SCML4: variants seen among roughly 807,000 people sequenced by gnomAD.
SCML4 encodes sex comb on midleg-like protein 4.
A neutral mutation model predicts 41.1 loss-of-function variants in SCML4; 34 were observed. The ratio of observed to expected loss-of-function variants is 0.83; its 90% confidence interval spans 0.63 to 1.10. The LOEUF (loss-of-function observed/expected upper bound fraction) is 1.10, where lower values mean the gene tolerates loss of function less well. Ranked by LOEUF, SCML4 falls within the 50% of genes least tolerant of loss-of-function variation. The probability of loss-of-function intolerance (pLI) is 0.00; values close to 1 mark genes in which losing one functional copy is unlikely to be tolerated. For synonymous variants in SCML4, 214 were observed against 220.9 expected (o/e 0.97, Z 0.28); for missense variants, 522 against 534.1 (o/e 0.98, Z 0.22).
chr6:107,778,790 T>C (rs1453011793), intron 1 of SCML4, among the ~76,000 whole-genome samples: 1 of 152,206 alleles, frequency 6.6e-6, no homozygotes, highest in Non-Finnish European at 1.5e-5. Context: ...TATTCATGTA[T>C]TTACTCATTC....
upstream of SCML4, among the ~76,000 whole-genome samples, chr6:107,826,429 C>T (rs1330267720): frequency 6.6e-6 from 1 of 152,148 alleles, no homozygotes; most frequent in Non-Finnish European, 1.5e-5. Flanking sequence ...CCACACTACA[C>T]TGAGCTTAAA....
At position 107,779,920 on chromosome 6, in the gene SCML4, T is replaced by G. The variant is rs111633903; in HGVS notation, c.-59-7534A>C. On this transcript the variant is annotated intron_variant, in intron 1 of 7. Coordinates refer to ENST00000369020, the MANE Select transcript of SCML4 (RefSeq NM_198081.5). Reference sequence around the variant, plus strand: ...TCCTTTACCACCCATTGTGTGCACTTCCAGTTTCATCAAGCACTGATTACA... The same window carrying G: ...TCCTTTACCACCCATTGTGTGCACTGCCAGTTTCATCAAGCACTGATTACA... Among the ~76,000 whole-genome samples, 417 of 152,320 alleles carry G rather than the reference T, an allele frequency of 2.7e-3. 1 individual carries two copies. The highest frequency in any genetic ancestry group is 9.5e-3 in the African/African-American group (395 of 41,576).
intron 1 of SCML4, among the ~76,000 whole-genome samples, chr6:107,787,145 AC>A (rs1315289928): frequency 6.6e-6 from 1 of 152,224 alleles, no homozygotes; most frequent in African/African-American, 2.4e-5. Context: ...CCTTCAGGCC[AC>A]ATCTCCATGT....
chr6:107,835,191 T>A, the SCML4 span, among the ~76,000 whole-genome samples: 2 of 151,806 alleles, frequency 1.3e-5, no homozygotes, highest in African/African-American at 4.8e-5. Flanking sequence ...TGAAACCCTG[T>A]CTCTACTAAA....
At chr6:107,770,509 T>G (rs748992874) in intron 2 of SCML4, among the ~76,000 whole-genome samples, 4 of 152,200 alleles carry the variant, frequency 2.6e-5, no homozygotes, top group Non-Finnish European at 4.4e-5. Context: ...TTCCTAAATA[T>G]ATGGGAAGTA....
At chr6:107,750,696 C>A (rs1038302169) in intron 2 of SCML4, among the ~76,000 whole-genome samples, 2 of 152,162 alleles carry the variant, frequency 1.3e-5, no homozygotes, top group Non-Finnish European at 2.9e-5. Flanking sequence ...AGGCTGGGGA[C>A]CCTTGCCCAA....
chr6:107,773,880 A>G (rs1336873691), intron 1 of SCML4, among the ~76,000 whole-genome samples: 1 of 152,226 alleles, frequency 6.6e-6, no homozygotes, highest in East Asian at 1.9e-4. Flanking sequence ...CACAGTCCCT[A>G]CACCCTGGCC....
intron 2 of SCML4, among the ~76,000 whole-genome samples, chr6:107,763,738 T>TC (rs1779809356): frequency 6.6e-6 from 1 of 152,146 alleles, no homozygotes; most frequent in African/African-American, 2.4e-5. Flanking sequence ...TTGCTCGCTG[T>TC]CTCCACCATG....
intron 1 of SCML4, among the ~76,000 whole-genome samples, chr6:107,802,066 C>G (rs1344124051): frequency 6.6e-6 from 1 of 152,082 alleles, no homozygotes; most frequent in African/African-American, 2.4e-5. Context: ...CCACTGCACC[C>G]GGCCTATTCA....
intron 1 of SCML4, among the ~76,000 whole-genome samples, chr6:107,803,225 G>T (rs1387075541): frequency 7.5e-6 from 1 of 133,868 alleles, no homozygotes; most frequent in African/African-American, 3.0e-5. Context: ...TGTGGGGAGC[G>T]CCTCTGCCCG....
chr6:107,840,439 G>C, the SCML4 span, among the ~76,000 whole-genome samples: 2 of 152,154 alleles, frequency 1.3e-5, no homozygotes, highest in Non-Finnish European at 2.9e-5. Context: ...TGAGTAGATT[G>C]TCCTTCTAAC....
chr6:107,785,904 C>A (rs1781853813), intron 1 of SCML4, among the ~76,000 whole-genome samples: 1 of 152,172 alleles, frequency 6.6e-6, no homozygotes, highest in African/African-American at 2.4e-5. Flanking sequence ...GCATACCCTG[C>A]CTGACAGCTC....
intron 1 of SCML4, among the ~76,000 whole-genome samples, chr6:107,813,928 C>T (rs557203456): frequency 7.9e-5 from 12 of 152,310 alleles, no homozygotes; most frequent in Admixed American, 2.0e-4. Flanking sequence ...TCTCTTCCTA[C>T]GGAGCCTCTC....
At chr6:107,758,540 G>A (rs1779288719) in intron 2 of SCML4, among the ~76,000 whole-genome samples, 1 of 152,190 alleles carries the variant, frequency 6.6e-6, no homozygotes, top group Non-Finnish European at 1.5e-5. Flanking sequence ...CTTTGCAGAG[G>A]TAATTAAGTT....
At chr6:107,761,774 G>C (rs187186584) in intron 2 of SCML4, among the ~76,000 whole-genome samples, 1 of 149,966 alleles carries the variant, frequency 6.7e-6, no homozygotes, top group Non-Finnish European at 1.5e-5. Flanking sequence ...GGGAATAACT[G>C]ACAATCTAGA....
chr6:107,780,253 C>T (rs1331954001), intron 1 of SCML4, among the ~76,000 whole-genome samples: 1 of 152,138 alleles, frequency 6.6e-6, no homozygotes, highest in East Asian at 1.9e-4. Flanking sequence ...AAGAATAGGG[C>T]CACCAATATA....
At chr6:107,817,529 G>A (rs1324325205) in intron 1 of SCML4, among the ~76,000 whole-genome samples, 1 of 138,160 alleles carries the variant, frequency 7.2e-6, no homozygotes, top group Non-Finnish European at 1.5e-5. Flanking sequence ...CTTGAGGCAG[G>A]AAAATCTCTT....
At chr6:107,717,032 G>A (rs1298913393) in intron 6 of SCML4, among the ~76,000 whole-genome samples, 1 of 151,654 alleles carries the variant, frequency 6.6e-6, no homozygotes, top group Non-Finnish European at 1.5e-5. Flanking sequence ...GGGCGGGGTG[G>A]CTCACGCCTG....
At chr6:107,808,663 A>G (rs1783925865) in intron 1 of SCML4, among the ~76,000 whole-genome samples, 1 of 152,296 alleles carries the variant, frequency 6.6e-6, no homozygotes, top group African/African-American at 2.4e-5. Context: ...AATGGGAAAA[A>G]CACAGAGGCT....
Sources: allele counts gnomAD v4.1 joint callset (sites outside exome capture counted in the v4.1 genomes callset), GRCh38; gene constraint gnomAD v4.1.1; transcripts MANE v1.5; gene names NCBI Gene and HGNC (gene_info 2026-07-23, HGNC 2026-07-21).